Variants in WASHC5 observed in about 807,000 individuals in gnomAD.
WASHC5 encodes the protein WASH complex subunit strumpellin.
Under a neutral mutation model 150.4 loss-of-function variants are expected in WASHC5, and 101 were observed. The ratio of observed to expected loss-of-function variants is 0.67; its 90% CI spans 0.57 to 0.79. The LOEUF (loss-of-function observed/expected upper bound fraction) is 0.79. Among genes scored for constraint, WASHC5 ranks in the 30% least tolerant of loss-of-function variants. WASHC5 has a pLI of 0.00. For missense variants in WASHC5, 1,195 were observed against 1,396.3 expected (o/e 0.86, Z 2.30); for synonymous variants, 467 against 491.2 (o/e 0.95, Z 0.65).
chr8:125,076,202 T>C (rs1232988721), intron 7 of WASHC5, 146 bp downstream of exon 7: 1 of 715,358 alleles, frequency 1.4e-6, no homozygotes, highest in African/African-American at 1.8e-5. Flanking sequence ...AATTATAAAA[T>C]TCTCAATACA....
chr8:125,068,598 T>C (rs185219564), intron 9 of WASHC5, among the ~76,000 whole-genome samples: 7 of 152,328 alleles, frequency 4.6e-5, no homozygotes, highest in South Asian at 2.1e-4. Context: ...TGTGTCCCTG[T>C]AGTGAATCAC....
At chr8:125,080,300 A>G (rs1817211663) in intron 5 of WASHC5, among the ~76,000 whole-genome samples, 1 of 152,144 alleles carries the variant, frequency 6.6e-6, no homozygotes, top group South Asian at 2.1e-4. Flanking sequence ...CACTGTGTAT[A>G]GTTTTTGTTT....
intron 19 of WASHC5, 111 bp from the exon 20 acceptor site, chr8:125,047,442 T>G: frequency 8.6e-7 from 1 of 1,157,352 alleles, no homozygotes. Flanking sequence ...ACAATAAAGG[T>G]TGTTTTTTTT....
intron 1 of WASHC5, among the ~76,000 whole-genome samples, chr8:125,086,320 A>G (rs1817420737): frequency 6.6e-6 from 1 of 152,066 alleles, no homozygotes; most frequent in South Asian, 2.1e-4. Flanking sequence ...ATTTCTTTGT[A>G]TAGAGATGGG....
At chr8:125,033,516 G>A (rs918601372) in intron 26 of WASHC5, among the ~76,000 whole-genome samples, 2 of 151,276 alleles carry the variant, frequency 1.3e-5, no homozygotes, top group East Asian at 1.9e-4. Context: ...AAAAAATATC[G>A]AAGATATCTT....
intron 3 of WASHC5, 85 bp downstream of exon 3, chr8:125,083,028 T>G: frequency 1.1e-6 from 1 of 907,114 alleles, no homozygotes; most frequent in African/African-American, 1.7e-5. Flanking sequence ...TTGTAGTAAC[T>G]CAGAGAGATT....
intron 25 of WASHC5, among the ~76,000 whole-genome samples, chr8:125,037,575 T>G: frequency 6.6e-6 from 1 of 152,314 alleles, no homozygotes; most frequent in East Asian, 1.9e-4. Context: ...TAGAAAGACT[T>G]TTCCCCTGAA....
chr8:125,060,430 G>A (rs1816559239), intron 12 of WASHC5, among the ~76,000 whole-genome samples: 1 of 151,326 alleles, frequency 6.6e-6, no homozygotes, highest in Non-Finnish European at 1.5e-5. Context: ...AGGTTGCAGT[G>A]AGCCAAGATT....
At position 125,024,608 on chromosome 8, in the gene WASHC5, GA is replaced by G; in HGVS notation, c.*8del. 6.3e-7 allele frequency: 1 copy of G among 1,595,114 alleles called. No homozygotes were observed. Among genetic ancestry groups the G allele is most frequent in the Non-Finnish European group, 8.6e-7 (1 of 1,162,782 alleles). ...GACAATCCTTCCATTGAAGAAGTAG[GA>G]AAAACAGTTACAGCACTGTTCTGAA... On this transcript the variant is annotated 3_prime_UTR_variant, in exon 29 of 29. Coordinates refer to ENST00000318410, the MANE Select transcript of WASHC5 (RefSeq NM_014846.4).
rs202000621 is a variant in WASHC5 at position 125,067,739 on chromosome 8, T to C, written c.1151-20A>G. The C allele has an allele frequency of 6.2e-7, 1 of 1,612,096 alleles. No homozygotes were observed. The highest frequency in any genetic ancestry group is 2.2e-5 in the East Asian group (1 of 44,806). ...CACAGGCTAGAAACAGGAAAAGTGT[T>C]ACCTGCTTACTAAATGTGTAGAAAA... On this transcript the variant is annotated intron_variant, in intron 9 of 28. Coordinates refer to ENST00000318410, the MANE Select transcript of WASHC5 (RefSeq NM_014846.4).
intron 8 of WASHC5, 110 bp from the exon 9 acceptor site, chr8:125,073,434 G>A (rs1255755568): frequency 5.4e-6 from 5 of 924,768 alleles, no homozygotes; most frequent in Non-Finnish European, 8.6e-6. Flanking sequence ...TAGGATGAAT[G>A]ACATATGGAT....
At chr8:125,044,840 AC>A (rs1056020356) in intron 20 of WASHC5, 142 bp from the exon 21 acceptor site, 4 of 853,126 alleles carry the variant, frequency 4.7e-6, no homozygotes, top group Non-Finnish European at 7.9e-6. Flanking sequence ...GTATTCAGGC[AC>A]CCAATGCGTC....
chr8:125,060,907 G>T (rs1816574473), intron 12 of WASHC5, among the ~76,000 whole-genome samples, 175 bp downstream of exon 12: 1 of 152,020 alleles, frequency 6.6e-6, no homozygotes, highest in East Asian at 1.9e-4. Context: ...CTTCATACTA[G>T]TTATTTATTT....
chr8:125,087,088 G>A (rs79208607), intron 1 of WASHC5, among the ~76,000 whole-genome samples: 4,111 of 152,284 alleles, frequency 0.027, 203 homozygotes, highest in African/African-American at 0.095. Context: ...GGGCAAATAA[G>A]TCTTGGGGTA....
At position 125,060,011 on chromosome 8, in the gene WASHC5, A is replaced by C. The variant is rs1386825969; in HGVS notation, c.1522-469T>G. 5.3e-5 allele frequency among the ~76,000 whole-genome samples: 8 copies of C among 152,228 alleles called. No individual in the cohort carries two copies. In the East Asian group the frequency reaches 1.5e-3, roughly 29 times the overall value. Reference sequence around the variant, plus strand: ...AGTGTGCAATTGTTCTGGAATAAGAAACTTTGGTAGAATTATTTTACTGTG... The same window carrying C: ...AGTGTGCAATTGTTCTGGAATAAGACACTTTGGTAGAATTATTTTACTGTG... On this transcript the variant is annotated intron_variant, in intron 12 of 28. Transcript: ENST00000318410.
At chr8:125,034,698 C>T (rs1815647588) in intron 26 of WASHC5, among the ~76,000 whole-genome samples, 2 of 152,084 alleles carry the variant, frequency 1.3e-5, no homozygotes, top group Non-Finnish European at 1.5e-5. Flanking sequence ...TTGTGAAGAC[C>T]GGAAAATCTT....
chr8:125,089,608 T>C (rs899448297), intron 1 of WASHC5, among the ~76,000 whole-genome samples: 7 of 152,158 alleles, frequency 4.6e-5, no homozygotes, highest in Non-Finnish European at 1.0e-4. Context: ...AATGTGGCCC[T>C]GGGAAAAACA....
At position 125,049,194 on chromosome 8, in the gene WASHC5, A is replaced by G. The variant is rs766496959; in HGVS notation, c.2200-9T>C. The G allele has an allele frequency of 6.2e-7, 1 of 1,614,044 alleles. No homozygotes were observed. The highest frequency in any genetic ancestry group is 8.5e-7 in the Non-Finnish European group (1 of 1,179,922). On this transcript the variant is annotated splice_polypyrimidine_tract_variant and intron_variant, in intron 18 of 28. Coordinates refer to ENST00000318410, the MANE Select transcript of WASHC5 (RefSeq NM_014846.4). ...GGCATCAATTCACTTGGCTGTGGAAAAGGGGAAACATAAAGCTCTTACACT... is the reference window on the plus strand; with the variant it reads ...GGCATCAATTCACTTGGCTGTGGAAGAGGGGAAACATAAAGCTCTTACACT...
intron 8 of WASHC5, among the ~76,000 whole-genome samples, chr8:125,074,754 T>C (rs567870141): frequency 2.6e-5 from 4 of 152,314 alleles, no homozygotes; most frequent in Admixed American, 6.5e-5. Flanking sequence ...GCATATGCCA[T>C]GCTTCTTTGT....
Sources: gnomAD v4.1 joint callset for allele counts (sites outside exome capture counted in the v4.1 genomes callset) on GRCh38, gnomAD v4.1.1 for gene constraint, MANE v1.5 for transcripts, NCBI Gene and HGNC (gene_info 2026-07-23, HGNC 2026-07-21) for gene names.